The following SCMH1 variants were observed in gnomAD, a reference collection of about 807,000 sequenced individuals.
The protein encoded by SCMH1 is Scm polycomb group protein homolog 1.
A neutral mutation model predicts 70.8 loss-of-function variants in SCMH1; 37 were observed. That is an observed-to-expected ratio of 0.52 (90% CI 0.40 to 0.69). SCMH1 has a LOEUF of 0.69. Among genes scored for constraint, SCMH1 ranks in the 30% least tolerant of loss-of-function variants. SCMH1 has a pLI of 0.00. For synonymous variants in SCMH1, 292 were observed against 307.4 expected (o/e 0.95, Z 0.52); for missense variants, 607 against 827.3 (o/e 0.73, Z 3.27).
intron 6 of SCMH1, among the ~76,000 whole-genome samples, chr1:41,137,322 C>T (rs889557990): frequency 2.6e-5 from 4 of 152,074 alleles, no homozygotes; most frequent in African/African-American, 9.7e-5. Flanking sequence ...TTATTATCAT[C>T]GTGTTTTAGG....
intron 10 of SCMH1, among the ~76,000 whole-genome samples, chr1:41,059,634 C>T (rs546809507): frequency 2.0e-5 from 3 of 152,122 alleles, no homozygotes; most frequent in Non-Finnish European, 4.4e-5. Flanking sequence ...ACCTGGGTAC[C>T]AAGAGGGCAC....
At chr1:41,100,235 G>A (rs143686422) in intron 8 of SCMH1, among the ~76,000 whole-genome samples, 94 of 152,226 alleles carry the variant, frequency 6.2e-4, no homozygotes, top group African/African-American at 2.1e-3. Context: ...ATCAAAACCC[G>A]GGTATGGTGA....
intron 6 of SCMH1, among the ~76,000 whole-genome samples, chr1:41,137,259 A>C (rs2148157271): frequency 6.6e-6 from 1 of 152,052 alleles, no homozygotes. Context: ...AAGGCTATAC[A>C]TTTTCTTCTA....
rs775677371 is a variant in SCMH1 at position 41,116,965 on chromosome 1, G to T, written c.458C>A (p.Thr153Lys). Reference sequence around the variant, plus strand: ...GGGAGCCATCTCTGCTCCATTTAGCGTCTTCAAAAGGAACATGGGCCAAGA... The same window carrying T: ...GGGAGCCATCTCTGCTCCATTTAGCTTCTTCAAAAGGAACATGGGCCAAGA... The change falls in exon 7 of 15, where the codon ACG becomes AAG. Residue 153 changes from threonine (T) to lysine (K), a missense_variant. Transcript: ENST00000337495. 4.0e-5 allele frequency: 64 copies of T among 1,604,340 alleles called. No homozygotes were observed. The Admixed American group carries it at 8.0e-4, about 20-fold the overall frequency.
chr1:41,070,683 T>G (rs774037378), exon 10 of SCMH1: 22 of 1,614,124 alleles, frequency 1.4e-5, no homozygotes, highest in Non-Finnish European at 1.6e-5. Flanking sequence ...TGGTTGTTGG[T>G]GAGGCAGGTG....
At chr1:41,234,526 G>C (rs923976226) in intron 1 of SCMH1, among the ~76,000 whole-genome samples, 1 of 121,044 alleles carries the variant, frequency 8.3e-6, no homozygotes, top group African/African-American at 3.1e-5. Flanking sequence ...GGAGTGCAGT[G>C]GCACAATCTC....
upstream of SCMH1, chr1:41,242,229 C>CGGGGCG (rs1445157379): frequency 3.5e-5 from 2 of 57,964 alleles, no homozygotes; most frequent in East Asian, 5.0e-4. The surrounding 1 kb of genome is among the most constrained non-coding windows in gnomAD (Gnocchi z 5.2). Flanking sequence ...AGGCGGGGGG[C>CGGGGCG]GGGGCGGGGG....
intron 8 of SCMH1, among the ~76,000 whole-genome samples, chr1:41,078,798 G>A (rs1205991271): frequency 6.6e-6 from 1 of 152,156 alleles, no homozygotes; most frequent in Non-Finnish European, 1.5e-5. Flanking sequence ...AAGTTCTTCA[G>A]GCTGAAGGAC....
intron 6 of SCMH1, among the ~76,000 whole-genome samples, chr1:41,129,403 T>C (rs1470417655): frequency 6.6e-6 from 1 of 152,166 alleles, no homozygotes; most frequent in East Asian, 1.9e-4. Context: ...ACTTTCTGTC[T>C]CTATACATTT....
In SCMH1 at chr1:41,229,057, A is replaced by G. The variant is rs1660812938; in HGVS notation, c.-118+13002T>C. 2.6e-5 allele frequency among the ~76,000 whole-genome samples: 4 copies of G among 152,152 alleles called. No individual in the cohort carries two copies. In the South Asian group the frequency reaches 8.3e-4, roughly 32 times the overall value. On this transcript the variant is annotated intron_variant, in intron 1 of 14. Transcript: ENST00000337495. ...CTAAAAAGACAAAAACTAGCCAGGC[A>G]TGATGGCACATGCCTGTAATCCCAG...
At chr1:41,094,396 T>C (rs1384870283) in intron 8 of SCMH1, among the ~76,000 whole-genome samples, 3 of 152,120 alleles carry the variant, frequency 2.0e-5, no homozygotes, top group Admixed American at 6.6e-5. Context: ...AAAAGGCAAG[T>C]AGAGTTAACA....
At chr1:41,091,906 T>A (rs1186084855) in intron 8 of SCMH1, among the ~76,000 whole-genome samples, 1 of 130,938 alleles carries the variant, frequency 7.6e-6, no homozygotes, top group Non-Finnish European at 1.6e-5. Context: ...TCCATGCTCA[T>A]GGATAGGAAG....
intron 8 of SCMH1, among the ~76,000 whole-genome samples, chr1:41,091,679 C>T (rs1663562727): frequency 6.6e-6 from 1 of 152,218 alleles, no homozygotes; most frequent in African/African-American, 2.4e-5. Flanking sequence ...TACGCAACTT[C>T]AGCAAAGTCT....
chr1:41,141,188 A>G (rs1644037400), intron 6 of SCMH1, among the ~76,000 whole-genome samples: 1 of 152,234 alleles, frequency 6.6e-6, no homozygotes, highest in South Asian at 2.1e-4. Flanking sequence ...AGATTTTTCC[A>G]TTTTGTAACC....
At chr1:41,032,685 G>A (rs1644701745) in intron 13 of SCMH1, among the ~76,000 whole-genome samples, 2 of 152,050 alleles carry the variant, frequency 1.3e-5, no homozygotes, top group Admixed American at 6.6e-5. Context: ...GGCCAGTTAA[G>A]AAGGAGGCTA....
chr1:41,033,062 C>T (rs930219963), intron 13 of SCMH1, among the ~76,000 whole-genome samples: 2 of 151,548 alleles, frequency 1.3e-5, no homozygotes, highest in African/African-American at 2.4e-5. Flanking sequence ...GAGGCTGAGG[C>T]AGGCAGACTG....
In SCMH1 at chr1:41,028,021, T is replaced by C. The variant is rs1643983975; in HGVS notation, c.*173A>G. On this transcript the variant is annotated 3_prime_UTR_variant, in exon 15 of 15. Coordinates refer to ENST00000337495, the Ensembl canonical transcript of SCMH1. ...CCCACTCTCCCTCCTCAGTCCTTCA[T>C]GGAAGGACTTATCATGGCAGCTGTG... is the stretch of plus-strand genomic sequence containing the variant. 5.8e-5 allele frequency: 42 copies of C among 721,070 alleles called. 2 individuals are homozygous for C. In the South Asian group the frequency reaches 7.7e-4, roughly 13 times the overall value. 44.7% of individuals were successfully genotyped at this position (721,070 alleles called of 1,614,324 possible).
intron 12 of SCMH1, among the ~76,000 whole-genome samples, chr1:41,042,257 TTTTTTTTTTGA>T (rs1646274445): frequency 6.8e-6 from 1 of 147,298 alleles, no homozygotes; most frequent in Admixed American, 6.7e-5. Flanking sequence ...AGAAGGGGCT[TTTTTTTTTTGA>T]GATGGAGTTT....
At chr1:41,107,990 T>C (rs905513553) in intron 8 of SCMH1, among the ~76,000 whole-genome samples, 1 of 152,224 alleles carries the variant, frequency 6.6e-6, no homozygotes, top group Non-Finnish European at 1.5e-5. Flanking sequence ...ATCAAATTAT[T>C]ACCCTCCAGA....
Sources: gnomAD v4.1 joint callset for allele counts (sites outside exome capture counted in the v4.1 genomes callset) on GRCh38, gnomAD v4.1.1 for gene constraint, Gnocchi (gnomAD v3.1) non-coding constraint, MANE v1.5 for transcripts, NCBI Gene and HGNC (gene_info 2026-07-23, HGNC 2026-07-21) for gene names.